The following NKAIN3 variants were observed in gnomAD, a reference collection of about 807,000 sequenced individuals.
NKAIN3 encodes the protein sodium/potassium transporting ATPase interacting 3.
In NKAIN3, 25 loss-of-function variants were observed where a neutral mutation model predicts 30.2. The ratio of observed to expected loss-of-function variants is 0.83; its 90% confidence interval spans 0.60 to 1.16. The LOEUF (loss-of-function observed/expected upper bound fraction) is 1.16. NKAIN3 is among the 50% of genes most tolerant of loss of function. NKAIN3 has a pLI of 0.00. For synonymous variants in NKAIN3, 91 were observed against 89.6 expected, an observed-to-expected ratio of 1.02 and a Z score of -0.09; for missense variants, 225 against 254.1, an observed-to-expected ratio of 0.89 and a Z score of 0.78.
intron 1 of NKAIN3, among the ~76,000 whole-genome samples, chr8:62,258,326 AGGT>A (rs1314678781): frequency 6.6e-6 from 1 of 152,176 alleles, no homozygotes; most frequent in Non-Finnish European, 1.5e-5. Context: ...TGTTTTCATC[AGGT>A]GAAGATGAAA....
At chr8:62,886,522 A>G (rs1821152990) in intron 4 of NKAIN3, among the ~76,000 whole-genome samples, 1 of 152,148 alleles carries the variant, frequency 6.6e-6, no homozygotes, top group Admixed American at 6.5e-5. Flanking sequence ...AGCTCTCTAA[A>G]GAATTTCTTG....
chr8:62,668,586 C>T (rs1215590878), intron 3 of NKAIN3, among the ~76,000 whole-genome samples: 2 of 152,160 alleles, frequency 1.3e-5, no homozygotes, highest in African/African-American at 2.4e-5. Context: ...CAAGATTCCA[C>T]ACTGCGCAAT....
intron 4 of NKAIN3, among the ~76,000 whole-genome samples, chr8:62,767,318 A>G (rs916199217): frequency 1.3e-5 from 2 of 152,156 alleles, no homozygotes; most frequent in African/African-American, 4.8e-5. Context: ...ACTCTTAACT[A>G]TTGGAGAAGA....
At chr8:62,587,287 A>G (rs1274611914) in intron 2 of NKAIN3, among the ~76,000 whole-genome samples, 3 of 152,058 alleles carry the variant, frequency 2.0e-5, no homozygotes, top group Non-Finnish European at 4.4e-5. Flanking sequence ...CTCAGCAAAG[A>G]AACACAAATT....
At chr8:62,786,434 T>TA (rs1447257952) in intron 4 of NKAIN3, among the ~76,000 whole-genome samples, 8 of 152,026 alleles carry the variant, frequency 5.3e-5, no homozygotes, top group Non-Finnish European at 1.2e-4. Flanking sequence ...CCTGTACTCC[T>TA]AAGGGATTGC....
intron 3 of NKAIN3, among the ~76,000 whole-genome samples, chr8:62,714,126 G>C (rs1294662347): frequency 6.6e-6 from 1 of 151,948 alleles, no homozygotes; most frequent in African/African-American, 2.4e-5. Flanking sequence ...TTGTACAAGA[G>C]TATGACTTTT....
chr8:62,860,565 A>T (rs1006160726), intron 4 of NKAIN3, among the ~76,000 whole-genome samples: 2 of 152,220 alleles, frequency 1.3e-5, no homozygotes, highest in African/African-American at 4.8e-5. Context: ...CAGCTCACAG[A>T]CCTTGAAGAG....
intron 3 of NKAIN3, among the ~76,000 whole-genome samples, chr8:62,642,003 C>A (rs886545455): frequency 6.6e-6 from 1 of 152,006 alleles, no homozygotes; most frequent in African/African-American, 2.4e-5. Flanking sequence ...TGCTGGGATG[C>A]AACCTGCCAA....
At position 62,814,325 on chromosome 8, in the gene NKAIN3, TC is replaced by T. The variant is rs1398620267; in HGVS notation, c.471+67197del. 1.3e-5 allele frequency among the ~76,000 whole-genome samples: 2 copies of T among 151,890 alleles called. 1 individual carries two copies. The highest frequency in any genetic ancestry group is 4.8e-5 in the African/African-American group (2 of 41,312). ...CTGTATGTCTCATAGGCTTTTTTTT[TC>T]ATTCTTTTAATGTTCTATTTCTTTT... On this transcript the variant is annotated intron_variant, in intron 4 of 6. Coordinates refer to ENST00000623646, the MANE Select transcript of NKAIN3 (RefSeq NM_001304533.3).
chr8:62,957,425 C>T (rs189016092), intron 6 of NKAIN3, among the ~76,000 whole-genome samples: 89 of 152,318 alleles, frequency 5.8e-4, no homozygotes, highest in Middle Eastern at 3.4e-3. Flanking sequence ...TGAGCCACCG[C>T]GCCCGGCCTA....
At chr8:62,457,865 G>A (rs2129599264) in intron 1 of NKAIN3, among the ~76,000 whole-genome samples, 1 of 152,166 alleles carries the variant, frequency 6.6e-6, no homozygotes, top group South Asian at 2.1e-4. Flanking sequence ...TTTTTATTCA[G>A]GGGGAACTTA....
chr8:62,534,939 TTC>T (rs1808608751), intron 1 of NKAIN3, among the ~76,000 whole-genome samples: 1 of 151,720 alleles, frequency 6.6e-6, no homozygotes, highest in Non-Finnish European at 1.5e-5. Flanking sequence ...CATGAGCAGC[TTC>T]CTGTGAAACA....
At chr8:62,331,006 CTCTCTCTATA>C (rs925312629) in intron 1 of NKAIN3, among the ~76,000 whole-genome samples, 1 of 148,850 alleles carries the variant, frequency 6.7e-6, no homozygotes, top group Non-Finnish European at 1.5e-5. Context: ...CTCTTTCTCT[CTCTCTCTATA>C]TATATGTATG....
chr8:62,314,586 G>A (rs1814551709), intron 1 of NKAIN3, among the ~76,000 whole-genome samples: 1 of 152,178 alleles, frequency 6.6e-6, no homozygotes, highest in South Asian at 2.1e-4. Flanking sequence ...TCCAATTTGA[G>A]TGTTAGCCTG....
At chr8:62,867,087 GCTTT>G (rs1350138936) in intron 4 of NKAIN3, among the ~76,000 whole-genome samples, 98 of 119,010 alleles carry the variant, frequency 8.2e-4, no homozygotes, top group Admixed American at 3.5e-3. Flanking sequence ...GTTTTGTTTT[GCTTT>G]GTTTCCAGAA....
At chr8:62,485,267 A>AT (rs1326149869) in intron 1 of NKAIN3, among the ~76,000 whole-genome samples, 5 of 152,164 alleles carry the variant, frequency 3.3e-5, no homozygotes, top group African/African-American at 7.2e-5. Flanking sequence ...TGTGAGGTAA[A>AT]TGTTCTTAAG....
intron 4 of NKAIN3, among the ~76,000 whole-genome samples, chr8:62,892,898 C>T (rs1055791894): frequency 6.6e-6 from 1 of 152,076 alleles, no homozygotes; most frequent in African/African-American, 2.4e-5. Context: ...ATAACTAGTT[C>T]TGTGGGTCAA....
intron 1 of NKAIN3, among the ~76,000 whole-genome samples, chr8:62,476,811 C>T (rs1476273447): frequency 6.6e-6 from 1 of 151,978 alleles, no homozygotes; most frequent in Non-Finnish European, 1.5e-5. Context: ...TTTTGAGTAA[C>T]TTACTATTAT....
chr8:62,666,517 A>G (rs1362921428), intron 3 of NKAIN3, among the ~76,000 whole-genome samples: 3 of 152,092 alleles, frequency 2.0e-5, no homozygotes, highest in Non-Finnish European at 4.4e-5. Context: ...ATGTATGCAT[A>G]TTTTGTTATG....
Sources: gnomAD v4.1 joint callset for allele counts (sites outside exome capture counted in the v4.1 genomes callset) on GRCh38, gnomAD v4.1.1 for gene constraint, MANE v1.5 for transcripts, NCBI Gene and HGNC (gene_info 2026-07-23, HGNC 2026-07-21) for gene names.